C14orf132: variants seen among roughly 807,000 people sequenced by gnomAD.
C14orf132 encodes the protein uncharacterized protein C14orf132.
Under a neutral mutation model 5.8 loss-of-function variants are expected in C14orf132, and 6 were observed. The observed-to-expected ratio is 1.03, with a 90% CI of 0.57 to 2.04. The LOEUF (loss-of-function observed/expected upper bound fraction) is 2.04, where lower values mean the gene tolerates loss of function less well. Ranked by LOEUF, C14orf132 falls within the 30% of genes most tolerant of loss-of-function variation. The pLI is 0.00. For synonymous variants in C14orf132, 51 were observed against 49.8 expected (o/e 1.02, Z -0.10); for missense variants, 125 against 115.8 (o/e 1.08, Z -0.37).
intron 1 of C14orf132, among the ~76,000 whole-genome samples, chr14:96,084,968 C>G (rs1240669108): frequency 1.3e-5 from 2 of 152,176 alleles, no homozygotes; most frequent in Non-Finnish European, 2.9e-5. Flanking sequence ...CAGCAGCTGC[C>G]CAGGCACGTG....
chr14:96,051,706 CCTT>C (rs1887032073), intron 1 of C14orf132, among the ~76,000 whole-genome samples: 1 of 152,214 alleles, frequency 6.6e-6, no homozygotes, highest in Non-Finnish European at 1.5e-5. Context: ...TCCTGCCAAT[CCTT>C]CTTCTCTTCC....
intron 1 of C14orf132, among the ~76,000 whole-genome samples, chr14:96,080,961 AT>A (rs771772237): frequency 1.5e-4 from 23 of 152,206 alleles, no homozygotes; most frequent in Non-Finnish European, 3.1e-4. Flanking sequence ...AAGTTCAAAA[AT>A]ACCAAAAAAT....
At chr14:96,066,092 C>G (rs1269876232) in intron 1 of C14orf132, among the ~76,000 whole-genome samples, 1 of 152,174 alleles carries the variant, frequency 6.6e-6, no homozygotes. Context: ...TCCTCAGGTA[C>G]AGCCAGGGAG....
At chr14:96,046,011 A>G (rs991702856) in intron 1 of C14orf132, among the ~76,000 whole-genome samples, 1 of 152,152 alleles carries the variant, frequency 6.6e-6, no homozygotes, top group African/African-American at 2.4e-5. Context: ...GGGCTTCTTC[A>G]GGTGACTTGG....
intron 1 of C14orf132, among the ~76,000 whole-genome samples, chr14:96,081,558 A>C (rs186872597): frequency 1.8e-4 from 28 of 152,342 alleles, no homozygotes; most frequent in African/African-American, 6.5e-4. Context: ...GGAAAAGCGT[A>C]GGCAGAAAAT....
chr14:96,048,489 G>T (rs142999185), intron 1 of C14orf132, among the ~76,000 whole-genome samples: 7 of 151,920 alleles, frequency 4.6e-5, no homozygotes, highest in Non-Finnish European at 8.8e-5. Flanking sequence ...TGCACCTAAG[G>T]CTTGATAGCT....
intron 1 of C14orf132, among the ~76,000 whole-genome samples, chr14:96,053,094 T>G (rs890325372): frequency 6.6e-6 from 1 of 152,192 alleles, no homozygotes; most frequent in South Asian, 2.1e-4. Flanking sequence ...CCAACTGGGA[T>G]GGCTGGTCAC....
chr14:96,061,127 C>T (rs1251580138), intron 1 of C14orf132, among the ~76,000 whole-genome samples: 2 of 152,270 alleles, frequency 1.3e-5, no homozygotes, highest in East Asian at 3.9e-4. Context: ...TGCCTAAAAC[C>T]ATGCACTGGG....
chr14:96,089,043 C>T lies in C14orf132; in HGVS notation c.*2308C>T, dbSNP rs1888299253. The T allele has an allele frequency of 6.6e-6, 1 of 152,300 alleles. No homozygotes were observed. Among genetic ancestry groups the T allele is most frequent in the African/African-American group, 2.4e-5 (1 of 41,468 alleles). 9.4% of individuals were successfully genotyped at this position (152,300 alleles called of 1,614,324 possible). A position where few individuals can be genotyped will look rare whatever the true frequency, so the allele number is the denominator to read the frequency against. On this transcript the variant is annotated 3_prime_UTR_variant, in exon 2 of 2. Transcript: ENST00000555004. ...CTCGACCACTCTGCATTGCAGATTA[C>T]AGTGACTTCCTCGGGGTTGCCCCAT...
At chr14:96,051,721 A>G (rs1478513642) in intron 1 of C14orf132, among the ~76,000 whole-genome samples, 2 of 151,926 alleles carry the variant, frequency 1.3e-5, no homozygotes, top group East Asian at 1.9e-4. Flanking sequence ...TTCTCTTCCT[A>G]TGGAGGTTCC....
chr14:96,085,946 T>C (rs1246714593), intron 1 of C14orf132, among the ~76,000 whole-genome samples: 1 of 150,082 alleles, frequency 6.7e-6, no homozygotes, highest in Admixed American at 6.6e-5. Flanking sequence ...GTTTTCTCTC[T>C]GTCTCTGTCT....
In C14orf132 at chr14:96,039,737, C is replaced by G. The variant is rs1886634080; in HGVS notation, c.27+210C>G. Among the ~76,000 whole-genome samples, 1 of 152,152 alleles carries G rather than the reference C, an allele frequency of 6.6e-6. No homozygotes were observed. Among genetic ancestry groups the G allele is most frequent in the African/African-American group, 2.4e-5 (1 of 41,462 alleles). ...GGGGTGGGGCGGGCTGCGCGCCCCG[C>G]ACCCCCGCGGCTCGAGCTGTTCCCG... On this transcript the variant is annotated intron_variant, in intron 1 of 1. Coordinates refer to ENST00000555004, the MANE Select transcript of C14orf132 (RefSeq NM_001252507.3). The surrounding 1 kb of genome is among the most constrained non-coding windows in gnomAD (Gnocchi z 5.3).
intron 1 of C14orf132, among the ~76,000 whole-genome samples, chr14:96,055,031 T>C (rs1887137584): frequency 6.6e-6 from 1 of 152,186 alleles, no homozygotes; most frequent in South Asian, 2.1e-4. Context: ...TCAAGAACTG[T>C]GAGGGGTTTG....
Position 96,090,321 on chromosome 14 carries a change from G to A in C14orf132, c.*3586G>A, listed in dbSNP as rs1333081873. ...ACAGGAGAATTGCTTGAACCAGGAGGCGGAGGCTGCAGTGAGCTGAGATTG... is the reference window on the plus strand; with the variant it reads ...ACAGGAGAATTGCTTGAACCAGGAGACGGAGGCTGCAGTGAGCTGAGATTG... On this transcript the variant is annotated 3_prime_UTR_variant, in exon 2 of 2. Coordinates refer to ENST00000555004, the MANE Select transcript of C14orf132 (RefSeq NM_001252507.3). The A allele has an allele frequency of 4.6e-6, 1 of 216,048 alleles. No homozygotes were observed. The highest frequency in any genetic ancestry group is 5.4e-5 in the Admixed American group (1 of 18,478). The allele number at this position is 216,048 out of a possible 1,614,324, so 13.4% of individuals were successfully genotyped here.
At chr14:96,051,113 A>G (rs943779936) in intron 1 of C14orf132, 2 of 398,484 alleles carry the variant, frequency 5.0e-6, no homozygotes, top group African/African-American at 4.1e-5. Flanking sequence ...ACATACATAC[A>G]TACTCTACAG....
chr14:96,053,701 C>T (rs923593047), intron 1 of C14orf132, among the ~76,000 whole-genome samples: 3 of 152,184 alleles, frequency 2.0e-5, no homozygotes, highest in Non-Finnish European at 4.4e-5. Context: ...CCAATGGCCA[C>T]CTGTCACCCA....
At chr14:96,046,824 A>G (rs948771766) in intron 1 of C14orf132, among the ~76,000 whole-genome samples, 1 of 152,266 alleles carries the variant, frequency 6.6e-6, no homozygotes, top group Admixed American at 6.5e-5. Context: ...CATTTTAATC[A>G]TTTTTCACAG....
chr14:96,079,107 C>T (rs1887959177), intron 1 of C14orf132, among the ~76,000 whole-genome samples: 1 of 152,210 alleles, frequency 6.6e-6, no homozygotes, highest in Non-Finnish European at 1.5e-5. Context: ...GACAGCAGGT[C>T]CAGCTCTCTG....
chr14:96,067,570 G>C (rs927241742), intron 1 of C14orf132, among the ~76,000 whole-genome samples: 1 of 151,896 alleles, frequency 6.6e-6, no homozygotes, highest in Non-Finnish European at 1.5e-5. Flanking sequence ...GTGGTGGTGG[G>C]CACCTATAAT....
Sources: gnomAD v4.1 joint callset for allele counts (sites outside exome capture counted in the v4.1 genomes callset) on GRCh38, gnomAD v4.1.1 for gene constraint, Gnocchi (gnomAD v3.1) non-coding constraint, MANE v1.5 for transcripts, NCBI Gene and HGNC (gene_info 2026-07-23, HGNC 2026-07-21) for gene names.